Variants in DSCAML1 observed in about 807,000 individuals in gnomAD.
DSCAML1 encodes DS cell adhesion molecule like 1.
In DSCAML1, 38 loss-of-function variants were observed where a neutral mutation model predicts 200.5. The observed-to-expected ratio is 0.19, with a 90% confidence interval of 0.15 to 0.25. The LOEUF (loss-of-function observed/expected upper bound fraction) is 0.25. Ranked by LOEUF, DSCAML1 falls within the 10% of genes least tolerant of loss-of-function variation. DSCAML1 has a pLI of 1.00. For synonymous variants in DSCAML1, 1,215 were observed against 1,165.0 expected (o/e 1.04, Z -0.87); for missense variants, 2,223 against 2,858.8 (o/e 0.78, Z 5.07).
intron 3 of DSCAML1, among the ~76,000 whole-genome samples, chr11:117,743,003 T>TCATCCATCCATA (rs1555024946): frequency 6.6e-6 from 1 of 150,892 alleles, no homozygotes; most frequent in Admixed American, 6.6e-5. Flanking sequence ...CACTCCACTT[T>TCATCCATCCATA]CATCCATCCA....
intron 3 of DSCAML1, among the ~76,000 whole-genome samples, chr11:117,661,706 G>C (rs1164553274): frequency 6.6e-6 from 1 of 152,110 alleles, no homozygotes; most frequent in East Asian, 1.9e-4. Context: ...CCCCTTGGTG[G>C]CCTGTCCCCA....
intron 1 of DSCAML1, among the ~76,000 whole-genome samples, chr11:117,814,411 A>G (rs1298758390): frequency 6.6e-6 from 1 of 152,214 alleles, no homozygotes; most frequent in African/African-American, 2.4e-5. Flanking sequence ...CTGTGAGGCC[A>G]AGGAAGAAGG....
chr11:117,493,439 C>T (rs908481268), intron 11 of DSCAML1, among the ~76,000 whole-genome samples: 12 of 151,664 alleles, frequency 7.9e-5, no homozygotes, highest in Admixed American at 7.9e-4. Flanking sequence ...GCCTCAGCCT[C>T]CTTAGTAGCT....
upstream of DSCAML1, among the ~76,000 whole-genome samples, chr11:117,800,262 C>T (rs949844902): frequency 4.6e-5 from 7 of 152,180 alleles, no homozygotes; most frequent in East Asian, 1.9e-4. Flanking sequence ...AAAAATGAAA[C>T]GCCGGGGAAG....
intron 3 of DSCAML1, among the ~76,000 whole-genome samples, chr11:117,547,567 C>G (rs1376394442): frequency 6.6e-6 from 1 of 152,144 alleles, no homozygotes; most frequent in Non-Finnish European, 1.5e-5. Flanking sequence ...GTAGGAATAG[C>G]AGGGATATGC....
chr11:117,452,627 A>G (rs570980874), intron 19 of DSCAML1, among the ~76,000 whole-genome samples: 22 of 152,292 alleles, frequency 1.4e-4, no homozygotes, highest in African/African-American at 5.1e-4. Context: ...TCAGGTTTAA[A>G]TATACCATCT....
intron 14 of DSCAML1, among the ~76,000 whole-genome samples, chr11:117,472,998 ATAG>A (rs966821771): frequency 2.6e-5 from 4 of 152,204 alleles, no homozygotes; most frequent in South Asian, 2.1e-4. Flanking sequence ...AAACAAGCTG[ATAG>A]TAGGGCTGAA....
intron 3 of DSCAML1, among the ~76,000 whole-genome samples, chr11:117,745,791 T>C (rs865794351): frequency 1.1e-4 from 17 of 152,230 alleles, no homozygotes; most frequent in African/African-American, 4.1e-4. Context: ...TAGGTGACTG[T>C]AAGCAAGTTC....
chr11:117,731,286 T>C (rs959382629), intron 3 of DSCAML1, among the ~76,000 whole-genome samples: 4 of 152,176 alleles, frequency 2.6e-5, no homozygotes, highest in African/African-American at 9.7e-5. Flanking sequence ...CGCAGCCCTC[T>C]GGTTCACCTG....
intron 3 of DSCAML1, among the ~76,000 whole-genome samples, chr11:117,635,471 T>TGC: frequency 6.6e-6 from 1 of 151,444 alleles, no homozygotes. Flanking sequence ...TGTGTGTGTG[T>TGC]GTGCGTGTGT....
chr11:117,512,689 C>T (rs1427166010), intron 8 of DSCAML1, among the ~76,000 whole-genome samples: 1 of 142,474 alleles, frequency 7.0e-6, no homozygotes, highest in Non-Finnish European at 1.5e-5. Flanking sequence ...CACACACATG[C>T]CTGCTATGCA....
chr11:117,741,569 C>T (rs929270951), intron 3 of DSCAML1, among the ~76,000 whole-genome samples: 2 of 152,228 alleles, frequency 1.3e-5, no homozygotes, highest in African/African-American at 4.8e-5. Flanking sequence ...TTCCCATTGA[C>T]AAATGAGGAA....
At chr11:117,514,707 C>G (rs762009854) in intron 8 of DSCAML1, among the ~76,000 whole-genome samples, 15 of 151,002 alleles carry the variant, frequency 9.9e-5, no homozygotes, top group Non-Finnish European at 1.5e-4. Context: ...TTCTGCCTCC[C>G]AAGTAGCTGG....
intron 3 of DSCAML1, among the ~76,000 whole-genome samples, chr11:117,567,492 T>C (rs1158362499): frequency 6.6e-6 from 1 of 152,184 alleles, no homozygotes; most frequent in Non-Finnish European, 1.5e-5. Context: ...CTTTGTCAGA[T>C]GAGTAGGTTG....
intron 3 of DSCAML1, among the ~76,000 whole-genome samples, chr11:117,536,494 C>G (rs867630500): frequency 6.6e-6 from 1 of 152,214 alleles, no homozygotes; most frequent in African/African-American, 2.4e-5. Context: ...GGTCCAGCAC[C>G]AATCCTGAAG....
chr11:117,551,495 G>A (rs2050465064), intron 3 of DSCAML1, among the ~76,000 whole-genome samples: 1 of 152,210 alleles, frequency 6.6e-6, no homozygotes, highest in Admixed American at 6.5e-5. Context: ...CACCGTGCCT[G>A]ACTCTCCCTG....
chr11:117,455,147 T>C (rs2048348824), intron 19 of DSCAML1, among the ~76,000 whole-genome samples: 1 of 152,220 alleles, frequency 6.6e-6, no homozygotes, highest in African/African-American at 2.4e-5. Flanking sequence ...AAAAAGTAGT[T>C]TGTCCATATT....
Position 117,797,152 on chromosome 11 carries a change from A to G in DSCAML1, c.-73T>C. ...GTGCGGCAGCGCCTCTCCCCCGCTC[A>G]GCGCGCTCCCAGCCGCCCGCACTCG... On this transcript the variant is annotated 5_prime_UTR_variant, in exon 1 of 33. Transcript: ENST00000651296. 6.3e-7 allele frequency: 1 copy of G among 1,589,032 alleles called. No homozygotes were observed. The highest frequency in any genetic ancestry group is 1.1e-5 in the South Asian group (1 of 88,034).
chr11:117,487,029 A>T (rs1215909754), intron 11 of DSCAML1, among the ~76,000 whole-genome samples: 1 of 136,170 alleles, frequency 7.3e-6, no homozygotes, highest in Non-Finnish European at 1.5e-5. Context: ...GATTCAAGTG[A>T]TTCTCCTGCC....
Sources: allele counts gnomAD v4.1 joint callset (sites outside exome capture counted in the v4.1 genomes callset), GRCh38; gene constraint gnomAD v4.1.1; transcripts MANE v1.5; gene names NCBI Gene and HGNC (gene_info 2026-07-23, HGNC 2026-07-21).